Variants in TAPT1 observed in about 807,000 individuals in gnomAD.
TAPT1 encodes transmembrane anterior posterior transformation protein 1 homolog.
In TAPT1, 28 loss-of-function variants were observed where a neutral mutation model predicts 65.6. The ratio of observed to expected loss-of-function variants is 0.43; its 90% confidence interval spans 0.32 to 0.59. The LOEUF is 0.59. Ranked by LOEUF, TAPT1 falls within the 20% of genes least tolerant of loss-of-function variation. The pLI is 0.09. For synonymous variants in TAPT1, 278 were observed against 245.2 expected (o/e 1.13, Z -1.25); for missense variants, 563 against 679.9 (o/e 0.83, Z 1.91).
At chr4:16,179,803 T>TATGA in intron 7 of TAPT1, 146 bp from the exon 8 acceptor site, 1 of 122,744 alleles carries the variant, frequency 8.1e-6, no homozygotes, top group East Asian at 1.5e-4. Flanking sequence ...TATATATATA[T>TATGA]GTGTGTGTGT....
chr4:16,218,461 C>A (rs1419608289), intron 1 of TAPT1, among the ~76,000 whole-genome samples: 1 of 152,186 alleles, frequency 6.6e-6, no homozygotes, highest in Non-Finnish European at 1.5e-5. Context: ...TCTCTGGTGA[C>A]TGGAGATGAC....
chr4:16,179,723 AATT>A, intron 7 of TAPT1, 66 bp from the exon 8 acceptor site: 3 of 787,646 alleles, frequency 3.8e-6, no homozygotes, highest in South Asian at 4.4e-5. Context: ...GTACATATAT[AATT>A]ATTTTAGCCA....
At chr4:16,180,212 T>A (rs1748633504) in intron 7 of TAPT1, among the ~76,000 whole-genome samples, 1 of 152,200 alleles carries the variant, frequency 6.6e-6, no homozygotes, top group African/African-American at 2.4e-5. Flanking sequence ...TTGGGCTTCA[T>A]AATATTTACC....
chr4:16,220,705 C>T (rs1014059733), intron 1 of TAPT1, among the ~76,000 whole-genome samples: 5 of 149,722 alleles, frequency 3.3e-5, no homozygotes, highest in African/African-American at 9.9e-5. Context: ...GCCAAGATCG[C>T]ACCACTGTAC....
intron 2 of TAPT1, among the ~76,000 whole-genome samples, chr4:16,206,259 A>G (rs1003969081): frequency 1.3e-5 from 2 of 152,256 alleles, no homozygotes; most frequent in African/African-American, 2.4e-5. Flanking sequence ...AAACAAGTCA[A>G]TTGATTTTAA....
At chr4:16,168,051 A>C (rs1222159107) in intron 12 of TAPT1, among the ~76,000 whole-genome samples, 1 of 152,176 alleles carries the variant, frequency 6.6e-6, no homozygotes, top group Non-Finnish European at 1.5e-5. Flanking sequence ...TCTGGAAAAA[A>C]GTATGGGAAG....
intron 13 of TAPT1, among the ~76,000 whole-genome samples, chr4:16,165,426 T>C (rs947450923): frequency 1.3e-5 from 2 of 151,388 alleles, no homozygotes; most frequent in Non-Finnish European, 2.9e-5. Flanking sequence ...AAAAATTAGC[T>C]GGGCGTGGTG....
At chr4:16,215,070 T>C (rs1306035331) in intron 1 of TAPT1, among the ~76,000 whole-genome samples, 1 of 151,986 alleles carries the variant, frequency 6.6e-6, no homozygotes, top group East Asian at 1.9e-4. Context: ...GGTGGGCAGA[T>C]CACGAGGTCA....
intron 3 of TAPT1, among the ~76,000 whole-genome samples, chr4:16,199,155 C>G (rs76845870): frequency 0.022 from 3,422 of 152,254 alleles, 126 homozygotes; most frequent in African/African-American, 0.078. Flanking sequence ...AAACTCCTAT[C>G]ATTTAAAATT....
At chr4:16,202,166 T>C (rs1463649185) in intron 3 of TAPT1, among the ~76,000 whole-genome samples, 2 of 152,122 alleles carry the variant, frequency 1.3e-5, no homozygotes, top group African/African-American at 4.8e-5. Flanking sequence ...TAAGTAGGTC[T>C]TTGACTTTCA....
At chr4:16,170,806 A>G in intron 11 of TAPT1, 77 bp from the exon 12 acceptor site, 1 of 1,121,570 alleles carries the variant, frequency 8.9e-7, no homozygotes, top group Non-Finnish European at 1.3e-6. Flanking sequence ...TAATACTTAA[A>G]AAGATTTCTC....
At chr4:16,197,736 T>C (rs192906059) in intron 3 of TAPT1, among the ~76,000 whole-genome samples, 2 of 152,208 alleles carry the variant, frequency 1.3e-5, no homozygotes, top group Non-Finnish European at 2.9e-5. Context: ...TTAAAAAGAT[T>C]ATCCTCGTTC....
chr4:16,175,734 C>T (rs1394170091), intron 9 of TAPT1, among the ~76,000 whole-genome samples: 1 of 151,968 alleles, frequency 6.6e-6, no homozygotes, highest in Non-Finnish European at 1.5e-5. Flanking sequence ...TATTCATAAT[C>T]GTGGAAAAAA....
intron 3 of TAPT1, among the ~76,000 whole-genome samples, chr4:16,201,243 A>G (rs1171594139): frequency 6.6e-6 from 1 of 152,232 alleles, no homozygotes; most frequent in Non-Finnish European, 1.5e-5. Context: ...AATATCAAGT[A>G]TACGCTCATT....
intron 2 of TAPT1, among the ~76,000 whole-genome samples, chr4:16,209,131 A>G (rs1423562467): frequency 6.6e-6 from 1 of 151,784 alleles, no homozygotes; most frequent in Non-Finnish European, 1.5e-5. Flanking sequence ...TTCACACCTA[A>G]CAATTTTCCA....
At position 16,181,452 on chromosome 4, in the gene TAPT1, T is replaced by C. The variant is rs75227461; in HGVS notation, c.917-1795A>G. ...AAAACTACCATCGAATTTAAATTAA[T>C]TGTATTTGATTTTTGGACATATGGC... On this transcript the variant is annotated intron_variant, in intron 7 of 13. Coordinates refer to ENST00000405303, the MANE Select transcript of TAPT1 (RefSeq NM_153365.3). 9.0e-3 allele frequency among the ~76,000 whole-genome samples: 1,369 copies of C among 152,302 alleles called. 14 individuals are homozygous for C. Among genetic ancestry groups the C allele is most frequent in the African/African-American group, 0.031 (1,285 of 41,570 alleles).
At chr4:16,180,905 G>T (rs1267962054) in intron 7 of TAPT1, among the ~76,000 whole-genome samples, 1 of 152,194 alleles carries the variant, frequency 6.6e-6, no homozygotes, top group Non-Finnish European at 1.5e-5. Flanking sequence ...TTTATTATGA[G>T]TGTGAGCTCA....
At chr4:16,186,493 T>G (rs1202852897) in intron 7 of TAPT1, 42 bp downstream of exon 7, 3 of 1,339,910 alleles carry the variant, frequency 2.2e-6, no homozygotes, top group Non-Finnish European at 3.1e-6. Flanking sequence ...AACTGCAAAA[T>G]AATACTGCAC....
chr4:16,218,504 C>T (rs1463858785), intron 1 of TAPT1, among the ~76,000 whole-genome samples: 3 of 152,204 alleles, frequency 2.0e-5, no homozygotes, highest in Non-Finnish European at 4.4e-5. Flanking sequence ...GTGTTATGAT[C>T]CACAGAAGAG....
Sources: gnomAD v4.1 joint callset for allele counts (sites outside exome capture counted in the v4.1 genomes callset) on GRCh38, gnomAD v4.1.1 for gene constraint, MANE v1.5 for transcripts, NCBI Gene and HGNC (gene_info 2026-07-23, HGNC 2026-07-21) for gene names.